VPS41: variants seen among roughly 807,000 people sequenced by gnomAD.
The protein encoded by VPS41 is vacuolar protein sorting-associated protein 41 homolog.
VPS41 carries 85 observed loss-of-function variants against 130.9 expected under a neutral mutation model. That is an observed-to-expected ratio of 0.65 (90% confidence interval 0.55 to 0.78). VPS41 has a LOEUF of 0.78. Among genes scored for constraint, VPS41 ranks in the 30% least tolerant of loss-of-function variants. The pLI is 0.00. For synonymous variants in VPS41, 335 were observed against 332.9 expected (o/e 1.01, Z -0.07); for missense variants, 874 against 1,018.7 (o/e 0.86, Z 1.93).
chr7:38,896,951 T>C (rs2116435760), intron 2 of VPS41, among the ~76,000 whole-genome samples: 1 of 152,288 alleles, frequency 6.6e-6, no homozygotes, highest in Non-Finnish European at 1.5e-5. Flanking sequence ...CCCAGCACTT[T>C]GGGAGGCCAA....
chr7:38,730,291 C>T (rs1198338363), intron 25 of VPS41, among the ~76,000 whole-genome samples: 2 of 152,200 alleles, frequency 1.3e-5, no homozygotes, highest in African/African-American at 4.8e-5. Flanking sequence ...AGTAAGGGAG[C>T]AGCCAACTGC....
At chr7:38,857,766 C>T (rs1032656908) in intron 4 of VPS41, among the ~76,000 whole-genome samples, 1 of 152,108 alleles carries the variant, frequency 6.6e-6, no homozygotes, top group African/African-American at 2.4e-5. Context: ...CTCAAGGGGT[C>T]CTCAGAACAT....
intron 25 of VPS41, among the ~76,000 whole-genome samples, chr7:38,738,883 A>C (rs570054271): frequency 1.3e-5 from 2 of 152,366 alleles, no homozygotes; most frequent in African/African-American, 2.4e-5. Context: ...CTACTTCCTT[A>C]AACTATGTCA....
At chr7:38,751,930 G>A (rs1480796431) in intron 22 of VPS41, among the ~76,000 whole-genome samples, 4 of 152,166 alleles carry the variant, frequency 2.6e-5, no homozygotes, top group Non-Finnish European at 5.9e-5. Context: ...CTAGACCCTG[G>A]ATTAAGCTGT....
At chr7:38,752,341 C>T (rs780769967) in intron 21 of VPS41, 28 bp from the exon 22 acceptor site, 3 of 1,612,158 alleles carry the variant, frequency 1.9e-6, no homozygotes, top group African/African-American at 2.7e-5. Flanking sequence ...TAAGCCGTGA[C>T]CCATTAAAAT....
rs769103276 is a variant in VPS41, at chr7:38,821,226, C to T, written c.361G>A (p.Glu121Lys). The change falls in exon 6 of 29, where the codon GAG becomes AAG. Residue 121 changes from glutamate (E) to lysine (K), a missense_variant. Transcript: ENST00000310301. ...FGLYSGEEFH[E>K]TFDCPIKIIA... The stretch of plus-strand genomic sequence containing the variant: ...ACTTTAATGGGACAGTCAAAAGTCT[C>T]GTGAAATTCTTCTCCAGAATACAGT... 9 of 1,613,694 alleles carry T rather than the reference C, an allele frequency of 5.6e-6. No homozygotes were observed. The highest frequency in any genetic ancestry group is 1.7e-4 in the Middle Eastern group (1 of 6,060).
At chr7:38,887,103 A>T (rs1328803942) in intron 2 of VPS41, among the ~76,000 whole-genome samples, 1 of 152,198 alleles carries the variant, frequency 6.6e-6, no homozygotes, top group Non-Finnish European at 1.5e-5. Context: ...AAATTCTAAA[A>T]ACCAAAACAC....
At chr7:38,774,595 T>G (rs1021831465) in intron 11 of VPS41, among the ~76,000 whole-genome samples, 2 of 151,936 alleles carry the variant, frequency 1.3e-5, no homozygotes, top group Non-Finnish European at 2.9e-5. Context: ...TTGACCACTG[T>G]AACAATAAAA....
In VPS41 at chr7:38,889,573, A is replaced by AAC. The variant is rs58910906; in HGVS notation, c.60+8516_60+8517dup. On this transcript the variant is annotated intron_variant, in intron 2 of 28. Transcript: ENST00000310301. Reference sequence around the variant, plus strand: ...ACAAAACAAAACAAAAAAAAAAAAAAACCTTAAAACTGAAGGGAAGATAAA... The same window carrying AAC: ...ACAAAACAAAACAAAAAAAAAAAAAAACACCTTAAAACTGAAGGGAAGATAAA... Among the ~76,000 whole-genome samples, 19 of 145,548 alleles carry AAC rather than the reference A, an allele frequency of 1.3e-4. 1 individual carries two copies. The highest frequency in any genetic ancestry group is 1.0e-3 in the East Asian group (5 of 4,982).
intron 2 of VPS41, among the ~76,000 whole-genome samples, chr7:38,890,604 C>T (rs973487501): frequency 3.3e-5 from 5 of 151,968 alleles, no homozygotes; most frequent in Admixed American, 6.6e-5. Flanking sequence ...AATTTCCTGG[C>T]GTGATATTGT....
At position 38,862,651 on chromosome 7, in the gene VPS41, T is replaced by C. The variant is rs377283858; in HGVS notation, c.169-29A>G. The C allele has an allele frequency of 1.5e-5, 21 of 1,426,380 alleles. No homozygotes were observed. In the African/African-American group the frequency reaches 2.6e-4, roughly 17 times the overall value. The allele number at this position is 1,426,380 out of a possible 1,614,324, so 88.4% of individuals were successfully genotyped here. ...TAAGAAGAACAAAGAGGCCAGTTAA[T>C]TAATTAATAATACTATTAATACACA... On this transcript the variant is annotated intron_variant, in intron 3 of 28. Coordinates refer to ENST00000310301, the MANE Select transcript of VPS41 (RefSeq NM_014396.4).
At chr7:38,900,431 A>G (rs1787116332) in intron 1 of VPS41, among the ~76,000 whole-genome samples, 2 of 152,166 alleles carry the variant, frequency 1.3e-5, no homozygotes, top group African/African-American at 2.4e-5. Context: ...AAATTATTTA[A>G]TGGATACAAT....
Position 38,774,143 on chromosome 7 carries a change from C to T in VPS41, c.984G>A (p.Gln328=), listed in dbSNP as rs1302473296. The T allele has an allele frequency of 6.2e-7, 1 of 1,607,114 alleles. No individual in the cohort carries two copies. The part of the protein sequence containing the change: ...SSDALTVRGF[Q]ENECRDYHLE... ...AATGATAATCTCTACATTCATTCTCCTGAAAGCCTCTGACTGTCAAAGCAT... is the reference window on the plus strand; with the variant it reads ...AATGATAATCTCTACATTCATTCTCTTGAAAGCCTCTGACTGTCAAAGCAT... Residue 328 remains glutamine, a synonymous_variant, in exon 12 of 29, where the codon CAG becomes CAA. Transcript: ENST00000310301.
intron 25 of VPS41, among the ~76,000 whole-genome samples, chr7:38,730,168 A>G (rs1160671362): frequency 6.6e-6 from 1 of 152,200 alleles, no homozygotes; most frequent in African/African-American, 2.4e-5. Flanking sequence ...GGCAAGTGCC[A>G]CTGTTTAGAG....
At chr7:38,776,622 G>T in intron 11 of VPS41, 57 bp downstream of exon 11, 2 of 927,838 alleles carry the variant, frequency 2.2e-6, no homozygotes, top group Non-Finnish European at 3.6e-6. Flanking sequence ...CCTGATCTGG[G>T]TGTAATGCTA....
intron 4 of VPS41, among the ~76,000 whole-genome samples, chr7:38,859,426 A>C (rs1786054344): frequency 6.6e-6 from 1 of 152,136 alleles, no homozygotes; most frequent in South Asian, 2.1e-4. Flanking sequence ...AACAACTTCC[A>C]GTCCTGTAAG....
intron 27 of VPS41, among the ~76,000 whole-genome samples, chr7:38,728,072 C>T (rs910083516): frequency 4.6e-5 from 7 of 152,170 alleles, no homozygotes; most frequent in East Asian, 1.9e-4. Flanking sequence ...AAAGGGAATG[C>T]TACCTATAAA....
In VPS41 at chr7:38,894,752, G is replaced by T. The variant is rs548374434; in HGVS notation, c.60+3339C>A. Among the ~76,000 whole-genome samples, 21 of 152,176 alleles carry T rather than the reference G, an allele frequency of 1.4e-4. No individual in the cohort carries two copies. In the East Asian group the frequency reaches 3.9e-3, roughly 28 times the overall value. On this transcript the variant is annotated intron_variant, in intron 2 of 28. Transcript: ENST00000310301. Reference sequence around the variant, plus strand: ...CACAAGGTATGGCCATGATACAAATGAGGGTCCACCTCCAGTTCTTTAGCA... The same window carrying T: ...CACAAGGTATGGCCATGATACAAATTAGGGTCCACCTCCAGTTCTTTAGCA...
At chr7:38,816,769 A>G (rs1052122366) in intron 7 of VPS41, among the ~76,000 whole-genome samples, 1 of 152,214 alleles carries the variant, frequency 6.6e-6, no homozygotes, top group Non-Finnish European at 1.5e-5. Context: ...TTTAAGAGAC[A>G]GGGTCTTGCT....
Sources: gnomAD v4.1 joint callset for allele counts (sites outside exome capture counted in the v4.1 genomes callset) on GRCh38, gnomAD v4.1.1 for gene constraint, MANE v1.5 for transcripts, NCBI Gene and HGNC (gene_info 2026-07-23, HGNC 2026-07-21) for gene names.